The following CSMD2 variants were observed in gnomAD, a reference collection of about 807,000 sequenced individuals.
CSMD2 encodes the protein CUB and sushi domain-containing protein 2.
CSMD2 carries 130 observed loss-of-function variants against 398.5 expected under a neutral mutation model. The ratio of observed to expected loss-of-function variants is 0.33; its 90% confidence interval spans 0.28 to 0.38. The LOEUF (loss-of-function observed/expected upper bound fraction) is 0.38. CSMD2 is among the 10% of genes least tolerant of loss of function. CSMD2 has a pLI of 1.00. For missense variants in CSMD2, 3,829 were observed against 4,764.9 expected (o/e 0.80, Z 5.78); for synonymous variants, 1,828 against 1,908.5 (o/e 0.96, Z 1.10).
At position 33,537,700 on chromosome 1, in the gene CSMD2, C is replaced by T. The variant is rs2148582075; in HGVS notation, c.9632-91G>A. On this transcript the variant is annotated intron_variant, in intron 60 of 70. Transcript: ENST00000373381. The surrounding 1 kb of genome is among the most constrained non-coding windows in gnomAD (Gnocchi z 4.6). ...ACCCCCATCTTTGTTCTTTGCACTG[C>T]TCCCTTCCTGGTTGAGCTTGAACTC... The T allele has an allele frequency of 1.5e-6, 2 of 1,351,032 alleles. No homozygotes were observed. The highest frequency in any genetic ancestry group is 1.0e-6 in the Non-Finnish European group (1 of 1,002,950). 83.7% of individuals were successfully genotyped at this position (1,351,032 alleles called of 1,614,324 possible).
chr1:33,728,797 T>C (rs1646627475), intron 15 of CSMD2, among the ~76,000 whole-genome samples: 1 of 152,230 alleles, frequency 6.6e-6, no homozygotes, highest in Admixed American at 6.5e-5. Context: ...CCTCGTTTTA[T>C]AGGCGGGGAT....
chr1:33,545,826 C>G (rs886701239), intron 57 of CSMD2, among the ~76,000 whole-genome samples: 5 of 152,084 alleles, frequency 3.3e-5, no homozygotes, highest in African/African-American at 9.7e-5. Flanking sequence ...TGATTTCTTC[C>G]CTTTTGAGGT....
chr1:33,650,806 C>T (rs1227861105), intron 28 of CSMD2, among the ~76,000 whole-genome samples: 1 of 152,122 alleles, frequency 6.6e-6, no homozygotes, highest in Admixed American at 6.6e-5. Flanking sequence ...GTCCCACCAC[C>T]CCAGAGAGTT....
chr1:33,881,419 G>T (rs1005006892), intron 5 of CSMD2, among the ~76,000 whole-genome samples: 14 of 152,238 alleles, frequency 9.2e-5, no homozygotes, highest in African/African-American at 3.1e-4. Flanking sequence ...GCCTGAATTA[G>T]TTCTTGAAAA....
At chr1:33,901,450 G>A (rs1233926297) in intron 5 of CSMD2, among the ~76,000 whole-genome samples, 1 of 152,248 alleles carries the variant, frequency 6.6e-6, no homozygotes, top group Admixed American at 6.5e-5. Context: ...TCCATGCTCT[G>A]AAAGAGTTCA....
At chr1:34,070,349 T>A (rs1655590724) in intron 2 of CSMD2, among the ~76,000 whole-genome samples, 1 of 152,214 alleles carries the variant, frequency 6.6e-6, no homozygotes, top group Non-Finnish European at 1.5e-5. Flanking sequence ...TGGGTCCTTT[T>A]TCTGGCTGAC....
At position 33,946,835 on chromosome 1, in the gene CSMD2, G is replaced by A. The variant is rs483973; in HGVS notation, c.518-10881C>T. Among the ~76,000 whole-genome samples, 348 of 150,370 alleles carry A rather than the reference G, an allele frequency of 2.3e-3. 2 individuals carry two copies. The highest frequency in any genetic ancestry group is 8.5e-3 in the South Asian group (40 of 4,730). ...TTTTAGTAGAGATGGGGTTTTTACC[G>A]TGTTAGCTAGGCTGGTCTCCAATTC... On this transcript the variant is annotated intron_variant, in intron 3 of 70. Coordinates refer to ENST00000373381, the MANE Select transcript of CSMD2 (RefSeq NM_001281956.2).
At chr1:34,131,137 C>G (rs558276241) in intron 1 of CSMD2, among the ~76,000 whole-genome samples, 9 of 152,248 alleles carry the variant, frequency 5.9e-5, no homozygotes, top group African/African-American at 1.9e-4. Context: ...TAAGTACCTG[C>G]CATGCACTAG....
chr1:34,080,921 GGAAAGAAAGAAAGAAAGAAAGAAAGAAA>G (rs10522397), intron 2 of CSMD2, among the ~76,000 whole-genome samples: 12,771 of 125,152 alleles, frequency 0.1, 1,893 homozygotes, highest in African/African-American at 0.33. Flanking sequence ...CTAACTGAGT[GGAAAGAAAGAAAGAAAGAAAGAAAGAAA>G]GAAAGAAAGA....
intron 3 of CSMD2, among the ~76,000 whole-genome samples, chr1:34,019,215 GATC>G (rs537238179): frequency 2.6e-3 from 402 of 152,286 alleles, no homozygotes; most frequent in South Asian, 8.7e-3. Context: ...TCATCCTGAC[GATC>G]ATCATCACCC....
intron 26 of CSMD2, among the ~76,000 whole-genome samples, chr1:33,662,537 T>G (rs1352684297): frequency 6.6e-6 from 1 of 152,220 alleles, no homozygotes; most frequent in East Asian, 1.9e-4. Context: ...GACTACTTGC[T>G]CCTTGAAACA....
intron 1 of CSMD2, among the ~76,000 whole-genome samples, chr1:34,161,776 G>T (rs1296933237): frequency 6.6e-6 from 1 of 152,124 alleles, no homozygotes; most frequent in Non-Finnish European, 1.5e-5. Flanking sequence ...GACAAAAAGA[G>T]ATGGGGCAGT....
chr1:34,025,755 A>T (rs148695107), intron 3 of CSMD2, among the ~76,000 whole-genome samples: 1 of 152,310 alleles, frequency 6.6e-6, no homozygotes, highest in African/African-American at 2.4e-5. Context: ...CCATCCACCA[A>T]GTGACAAAAC....
At chr1:33,525,557 G>T (rs1654693553) in intron 65 of CSMD2, among the ~76,000 whole-genome samples, 1 of 152,200 alleles carries the variant, frequency 6.6e-6, no homozygotes, top group Non-Finnish European at 1.5e-5. Flanking sequence ...GCAGAGTGGA[G>T]GGTGATGGGG....
rs139915317 is a variant in CSMD2 at position 33,604,163 on chromosome 1, T to C, written c.6532+1119A>G. ...ACTGAGAAAGCGCTGCTCTTTTCTC[T>C]CTCCTGTGATGCCACAAAAAGACAA... On this transcript the variant is annotated intron_variant, in intron 42 of 70. Transcript: ENST00000373381. Among the ~76,000 whole-genome samples the C allele has an allele frequency of 2.6e-3, 401 of 152,230 alleles. 1 individual carries two copies. The highest frequency in any genetic ancestry group is 6.3e-3 in the Admixed American group (96 of 15,302).
At position 33,533,434 on chromosome 1, in the gene CSMD2, G is replaced by A. The variant is rs189450478; in HGVS notation, c.9992-205C>T. On this transcript the variant is annotated intron_variant, in intron 63 of 70. Transcript: ENST00000373381. This position sits in a 1 kb window ranked among gnomAD's most constrained non-coding sequence, Gnocchi z 4.2. ...CCAAGATGGAGATCATGTGGATATCGGCTTGGTTGACTCTGAGTTGGGGGA... is the reference window on the plus strand; with the variant it reads ...CCAAGATGGAGATCATGTGGATATCAGCTTGGTTGACTCTGAGTTGGGGGA... 1.3e-5 allele frequency among the ~76,000 whole-genome samples: 2 copies of A among 152,294 alleles called. No individual in the cohort carries two copies. Among genetic ancestry groups the A allele is most frequent in the African/African-American group, 2.4e-5 (1 of 41,556 alleles).
At chr1:33,931,014 T>G (rs1644295762) in intron 4 of CSMD2, among the ~76,000 whole-genome samples, 1 of 152,220 alleles carries the variant, frequency 6.6e-6, no homozygotes, top group African/African-American at 2.4e-5. Flanking sequence ...TCCAGTCTGC[T>G]CCGGGAAGCT....
chr1:33,526,666 T>C (rs1654802618), intron 65 of CSMD2, among the ~76,000 whole-genome samples: 1 of 152,264 alleles, frequency 6.6e-6, no homozygotes. Context: ...ATTGAGTTTC[T>C]GATGCCAAAT....
chr1:34,073,992 A>G (rs1049629399), intron 2 of CSMD2, among the ~76,000 whole-genome samples: 61 of 152,236 alleles, frequency 4.0e-4, no homozygotes, highest in African/African-American at 1.4e-3. Context: ...AGCAACAGAG[A>G]TGGGGCAGGT....
Sources: gnomAD v4.1 joint callset for allele counts (sites outside exome capture counted in the v4.1 genomes callset) on GRCh38, gnomAD v4.1.1 for gene constraint, Gnocchi (gnomAD v3.1) non-coding constraint, MANE v1.5 for transcripts, NCBI Gene and HGNC (gene_info 2026-07-23, HGNC 2026-07-21) for gene names.